The following CACNB4 variants were observed in gnomAD, a reference collection of about 807,000 sequenced individuals.
CACNB4 encodes calcium voltage-gated channel auxiliary subunit beta 4, also known as voltage-dependent L-type calcium channel subunit beta-4.
CACNB4 carries 32 observed loss-of-function variants against 71.2 expected under a neutral mutation model. That is an observed-to-expected ratio of 0.45 (90% CI 0.34 to 0.60). CACNB4 has a LOEUF of 0.60. Among genes scored for constraint, CACNB4 ranks in the 20% least tolerant of loss-of-function variants. CACNB4 has a pLI of 0.01. For missense variants in CACNB4, 464 were observed against 647.9 expected (o/e 0.72, Z 3.08); for synonymous variants, 231 against 236.9 (o/e 0.97, Z 0.23).
chr2:152,075,369 T>C (rs555618830), intron 2 of CACNB4, among the ~76,000 whole-genome samples: 7 of 152,122 alleles, frequency 4.6e-5, no homozygotes, highest in Non-Finnish European at 1.0e-4. Flanking sequence ...CCTGTAAACA[T>C]ATCACTGCAA....
chr2:151,968,491 C>T (rs1378975409), intron 2 of CACNB4: 3 of 152,098 alleles, frequency 2.0e-5, no homozygotes, highest in Non-Finnish European at 2.9e-5. Context: ...CCAGTTATAT[C>T]CTCTTGTCCT....
chr2:151,913,790 T>C (rs565596833), intron 2 of CACNB4, among the ~76,000 whole-genome samples: 39 of 149,854 alleles, frequency 2.6e-4, no homozygotes, highest in Non-Finnish European at 1.5e-5. Flanking sequence ...AAAGAGAATA[T>C]TGAATATTGG....
intron 2 of CACNB4, among the ~76,000 whole-genome samples, chr2:151,928,053 G>A (rs917489328): frequency 6.6e-6 from 1 of 152,172 alleles, no homozygotes; most frequent in Non-Finnish European, 1.5e-5. Context: ...CAGCAGACTT[G>A]GCCATGTGAA....
rs567105896 is a variant in CACNB4, at chr2:151,957,319, T to C, written c.148-73949A>G. The stretch of plus-strand genomic sequence containing the variant: ...GTGTGTGTCCCTTGGGAATCCCTGA[T>C]AAAATATATTGTGTTCAATCATTTC... On this transcript the variant is annotated intron_variant, in intron 2 of 13. Transcript: ENST00000539935. 3.3e-4 allele frequency among the ~76,000 whole-genome samples: 46 copies of C among 141,344 alleles called. 1 individual carries two copies. In the South Asian group the frequency reaches 7.6e-3, roughly 23 times the overall value. The allele number at this position is 141,344 out of a possible 152,430, so 92.7% of individuals were successfully genotyped here.
chr2:151,888,824 A>G (rs778429888), intron 2 of CACNB4, among the ~76,000 whole-genome samples: 29 of 152,200 alleles, frequency 1.9e-4, no homozygotes, highest in Non-Finnish European at 3.8e-4. Context: ...AATCAATAAG[A>G]TAACACATGT....
In CACNB4 at chr2:151,909,784, A is replaced by G. The variant is rs145244234; in HGVS notation, c.148-26414T>C. The stretch of plus-strand genomic sequence containing the variant: ...GTATCCCATGGTGGATACGTACCAC[A>G]TTTTCTTTTATCCAGTCTATGATTG... On this transcript the variant is annotated intron_variant, in intron 2 of 13. Transcript: ENST00000539935. Among the ~76,000 whole-genome samples, 322 of 151,976 alleles carry G rather than the reference A, an allele frequency of 2.1e-3. 1 individual carries two copies. The highest frequency in any genetic ancestry group is 7.6e-3 in the African/African-American group (314 of 41,442).
intron 2 of CACNB4, among the ~76,000 whole-genome samples, chr2:152,082,932 CT>C (rs1422251677): frequency 6.6e-6 from 1 of 152,192 alleles, no homozygotes; most frequent in East Asian, 1.9e-4. Flanking sequence ...GGTAAATTTT[CT>C]GTTATATTTA....
At chr2:151,970,411 G>A (rs755585413) in intron 2 of CACNB4, 1 of 151,966 alleles carries the variant, frequency 6.6e-6, no homozygotes, top group Admixed American at 6.6e-5. Flanking sequence ...AACATCCCTC[G>A]GTTTGTGTAA....
At chr2:152,052,812 T>A (rs1298380516) in intron 2 of CACNB4, among the ~76,000 whole-genome samples, 1 of 151,814 alleles carries the variant, frequency 6.6e-6, no homozygotes, top group Non-Finnish European at 1.5e-5. Flanking sequence ...ACCCCATCTC[T>A]ACTAAAAATA....
intron 2 of CACNB4, among the ~76,000 whole-genome samples, chr2:151,916,491 AAAG>A (rs1025639277): frequency 8.7e-4 from 133 of 152,372 alleles, no homozygotes; most frequent in African/African-American, 3.0e-3. Context: ...TATGAAAAAA[AAAG>A]AGAATGTCAT....
intron 8 of CACNB4, chr2:151,869,907 A>G (rs546086729): frequency 2.7e-6 from 1 of 371,656 alleles, no homozygotes; most frequent in Non-Finnish European, 4.8e-6. Flanking sequence ...TCAGAGTTTA[A>G]TGTCACGTTC....
intron 2 of CACNB4, among the ~76,000 whole-genome samples, chr2:152,029,060 T>C (rs1311981975): frequency 6.6e-6 from 1 of 152,232 alleles, no homozygotes; most frequent in African/African-American, 2.4e-5. Context: ...CTGTGTCCCC[T>C]GACAAATTCA....
chr2:152,074,895 C>T (rs1050029464), intron 2 of CACNB4, among the ~76,000 whole-genome samples: 6 of 152,128 alleles, frequency 3.9e-5, no homozygotes, highest in African/African-American at 1.2e-4. Flanking sequence ...CTAATATCAC[C>T]GTGATCACCA....
chr2:151,834,856 A>C lies in CACNB4; in HGVS notation c.*4263T>G, dbSNP rs1485268271. The C allele has an allele frequency of 1.3e-5, 2 of 151,988 alleles. No homozygotes were observed. Among genetic ancestry groups the C allele is most frequent in the Non-Finnish European group, 2.9e-5 (2 of 67,830 alleles). The allele number at this position is 151,988 out of a possible 1,614,324, so 9.4% of individuals were successfully genotyped here. ...AGATTTTATTACATAATTTCCTATA[A>C]ATTTTTCATTCATACAGTCATTCAA... On this transcript the variant is annotated 3_prime_UTR_variant, in exon 14 of 14. Coordinates refer to ENST00000539935, the MANE Select transcript of CACNB4 (RefSeq NM_000726.5).
chr2:152,089,971 A>G (rs1687880496), intron 2 of CACNB4, among the ~76,000 whole-genome samples: 2 of 152,172 alleles, frequency 1.3e-5, no homozygotes, highest in South Asian at 2.1e-4. Context: ...TGGGACCTGC[A>G]TGCCCCACTC....
chr2:152,021,950 TA>T (rs1490349122), intron 2 of CACNB4, among the ~76,000 whole-genome samples: 1 of 152,234 alleles, frequency 6.6e-6, no homozygotes, highest in Non-Finnish European at 1.5e-5. Flanking sequence ...AAGTCAAGGC[TA>T]TATACATTCA....
At chr2:152,017,350 T>C (rs1454102770) in intron 2 of CACNB4, among the ~76,000 whole-genome samples, 3 of 149,838 alleles carry the variant, frequency 2.0e-5, no homozygotes, top group Non-Finnish European at 2.9e-5. Context: ...TAATGAGTCA[T>C]TGCAGATAGA....
chr2:152,038,065 A>G (rs949920228), intron 2 of CACNB4, among the ~76,000 whole-genome samples: 2 of 152,230 alleles, frequency 1.3e-5, no homozygotes, highest in African/African-American at 4.8e-5. Context: ...AGGGCCCCCA[A>G]AGAAATGCAT....
intron 12 of CACNB4, among the ~76,000 whole-genome samples, chr2:151,849,552 A>C (rs1405624560): frequency 1.3e-5 from 2 of 152,216 alleles, no homozygotes; most frequent in African/African-American, 4.8e-5. Flanking sequence ...CTGGGACTAC[A>C]GGCACTCACC....
Sources: gnomAD v4.1 joint callset for allele counts (sites outside exome capture counted in the v4.1 genomes callset) on GRCh38, gnomAD v4.1.1 for gene constraint, MANE v1.5 for transcripts, NCBI Gene and HGNC (gene_info 2026-07-23, HGNC 2026-07-21) for gene names.